Variants in CRY1 observed in about 807,000 individuals in gnomAD.
CRY1 encodes the protein cryptochrome circadian regulator 1, also known as cryptochrome-1.
Under a neutral mutation model 76.0 loss-of-function variants are expected in CRY1, and 45 were observed. That is an observed-to-expected ratio of 0.59 (90% CI 0.47 to 0.76). The LOEUF (loss-of-function observed/expected upper bound fraction) is 0.76. CRY1 is among the 30% of genes least tolerant of loss of function. The pLI, the probability that CRY1 is intolerant of heterozygous loss-of-function variation, is 0.00. For synonymous variants in CRY1, 248 were observed against 244.0 expected, an observed-to-expected ratio of 1.02 and a Z score of -0.15; for missense variants, 587 against 716.4, an observed-to-expected ratio of 0.82 and a Z score of 2.06.
At chr12:107,027,780 C>G (rs1188580296) in intron 1 of CRY1, among the ~76,000 whole-genome samples, 1 of 152,074 alleles carries the variant, frequency 6.6e-6, no homozygotes, top group East Asian at 1.9e-4. Context: ...GTTTAGTATA[C>G]TCCGTCACAA....
At chr12:107,040,919 T>TA (rs34404696) in intron 1 of CRY1, among the ~76,000 whole-genome samples, 9,271 of 140,506 alleles carry the variant, frequency 0.066, 321 homozygotes, top group African/African-American at 0.1. Flanking sequence ...TATAAACCTT[T>TA]AAAAAAAAAA....
At chr12:107,073,700 G>C (rs932649369) in intron 1 of CRY1, among the ~76,000 whole-genome samples, 1 of 152,100 alleles carries the variant, frequency 6.6e-6, no homozygotes, top group Non-Finnish European at 1.5e-5. Context: ...TTGCACTCCA[G>C]CCTGGGCGAC....
chr12:107,085,710 T>C (rs901504402), intron 1 of CRY1, among the ~76,000 whole-genome samples: 3 of 151,936 alleles, frequency 2.0e-5, no homozygotes, highest in Non-Finnish European at 4.4e-5. Flanking sequence ...ACCTAATGCA[T>C]GTGGGGCTTA....
At chr12:107,035,277 AT>A (rs1952721967) in intron 1 of CRY1, among the ~76,000 whole-genome samples, 1 of 152,204 alleles carries the variant, frequency 6.6e-6, no homozygotes, top group African/African-American at 2.4e-5. Context: ...TCGTACTGAC[AT>A]TACTGCAAAA....
At chr12:107,079,766 T>C (rs11113182) in intron 1 of CRY1, among the ~76,000 whole-genome samples, 6,644 of 152,176 alleles carry the variant, frequency 0.044, 275 homozygotes, top group African/African-American at 0.11. Flanking sequence ...AGTGAAATAA[T>C]CACCAGAGAC....
At chr12:106,993,612 G>C (rs1237772633) in intron 10 of CRY1, among the ~76,000 whole-genome samples, 1 of 152,000 alleles carries the variant, frequency 6.6e-6, no homozygotes, top group African/African-American at 2.4e-5. Context: ...AGTGTGTCCA[G>C]TTTATGGAAA....
intron 2 of CRY1, among the ~76,000 whole-genome samples, chr12:107,015,300 G>T (rs1047176123): frequency 6.6e-6 from 1 of 151,190 alleles, no homozygotes; most frequent in Non-Finnish European, 1.5e-5. Context: ...ATGATCTATT[G>T]TGAGTTTTTA....
At chr12:106,998,659 AACACACACAC>A (rs10522970) in intron 7 of CRY1, among the ~76,000 whole-genome samples, 2 of 143,348 alleles carry the variant, frequency 1.4e-5, no homozygotes, top group East Asian at 2.0e-4. Flanking sequence ...TAAGAGATTA[AACACACACAC>A]ACACACACAC....
chr12:107,021,438 G>A (rs912668126), intron 2 of CRY1, among the ~76,000 whole-genome samples: 8 of 152,112 alleles, frequency 5.3e-5, no homozygotes, highest in Non-Finnish European at 8.8e-5. Flanking sequence ...TAAGTTCACT[G>A]GCATTTATAC....
rs375062065 is a variant in CRY1, at chr12:107,085,731, G to C, written c.158+7073C>G. Among the ~76,000 whole-genome samples the C allele has an allele frequency of 7.9e-5, 12 of 152,142 alleles. No homozygotes were observed. In the East Asian group the frequency reaches 1.7e-3, roughly 22 times the overall value. ...TGCATGTGGGGCTTAAAACCTAGAT[G>C]ACAGGTTGATGGGTGCAGCAAAACC... On this transcript the variant is annotated intron_variant, in intron 1 of 12. Coordinates refer to ENST00000008527, the MANE Select transcript of CRY1 (RefSeq NM_004075.5).
chr12:106,997,825 G>T (rs1952250708), intron 8 of CRY1, 90 bp downstream of exon 8: 2 of 1,544,438 alleles, frequency 1.3e-6, no homozygotes, highest in Non-Finnish European at 1.8e-6. Flanking sequence ...TGCCCATCAT[G>T]AGTGGGGAAT....
At position 107,093,131 on chromosome 12, in the gene CRY1, C is replaced by A; in HGVS notation, c.-170G>T. 3.9e-6 allele frequency: 3 copies of A among 770,434 alleles called. No individual in the cohort carries two copies. The highest frequency in any genetic ancestry group is 5.8e-6 in the Non-Finnish European group (3 of 513,176). The allele number at this position is 770,434 out of a possible 1,614,324, so 47.7% of individuals were successfully genotyped here. ...AGGAGGGGACCGGAGAAGGCGGGGG[C>A]GCCGGAGGCGCAGTGGAAAGATGAA... is the stretch of plus-strand genomic sequence containing the variant. On this transcript the variant is annotated 5_prime_UTR_variant, in exon 1 of 13. Coordinates refer to ENST00000008527, the MANE Select transcript of CRY1 (RefSeq NM_004075.5).
At chr12:107,057,499 C>A (rs951232444) in intron 1 of CRY1, among the ~76,000 whole-genome samples, 1 of 152,106 alleles carries the variant, frequency 6.6e-6, no homozygotes, top group Non-Finnish European at 1.5e-5. Context: ...TTCTCACAAA[C>A]CCACATTTCA....
chr12:107,012,259 G>A (rs1952453270), intron 2 of CRY1, among the ~76,000 whole-genome samples: 1 of 152,220 alleles, frequency 6.6e-6, no homozygotes, highest in African/African-American at 2.4e-5. Flanking sequence ...ACTTTCTTGT[G>A]AGGGGCTAAC....
At chr12:107,082,451 C>T (rs1953338731) in intron 1 of CRY1, among the ~76,000 whole-genome samples, 1 of 152,146 alleles carries the variant, frequency 6.6e-6, no homozygotes, top group South Asian at 2.1e-4. Flanking sequence ...GGAAGTAAAA[C>T]ACTCCTCAGC....
chr12:107,009,562 ACAT>A (rs1310169692), intron 2 of CRY1, among the ~76,000 whole-genome samples: 2 of 52,982 alleles, frequency 3.8e-5, no homozygotes, highest in Non-Finnish European at 6.5e-5. Flanking sequence ...AAACAAAAAA[ACAT>A]ATATATATAT....
At chr12:107,037,552 T>C (rs1952749106) in intron 1 of CRY1, among the ~76,000 whole-genome samples, 1 of 151,748 alleles carries the variant, frequency 6.6e-6, no homozygotes, top group Non-Finnish European at 1.5e-5. Flanking sequence ...AGGAAAATGA[T>C]GTTCAGGTTC....
chr12:107,026,088 T>TTA (rs1162908094), intron 1 of CRY1, among the ~76,000 whole-genome samples: 5 of 45,870 alleles, frequency 1.1e-4, no homozygotes, highest in East Asian at 1.2e-3. Flanking sequence ...ATTATACATA[T>TTA]TATATATATA....
At chr12:107,022,261 G>A in intron 1 of CRY1, 69 bp from the exon 2 acceptor site, 1 of 940,382 alleles carries the variant, frequency 1.1e-6, no homozygotes, top group Non-Finnish European at 1.5e-6. Context: ...TTATTACAAA[G>A]TCATGTTATT....
Sources: gnomAD v4.1 joint callset for allele counts (sites outside exome capture counted in the v4.1 genomes callset) on GRCh38, gnomAD v4.1.1 for gene constraint, MANE v1.5 for transcripts, NCBI Gene and HGNC (gene_info 2026-07-23, HGNC 2026-07-21) for gene names.